The following SLFN12L variants were observed in gnomAD, a reference collection of about 807,000 sequenced individuals.
The protein encoded by SLFN12L is schlafen family member 12 like, also known as schlafen family member 12-like.
In SLFN12L, 34 loss-of-function variants were observed where a neutral mutation model predicts 34.8. The observed-to-expected ratio is 0.98, with a 90% confidence interval of 0.74 to 1.30. The LOEUF (loss-of-function observed/expected upper bound fraction) is 1.30, where lower values mean the gene tolerates loss of function less well. Among genes scored for constraint, SLFN12L ranks in the 50% most tolerant of loss-of-function variants. The probability of loss-of-function intolerance (pLI) is 0.00; values close to 1 mark genes in which losing one functional copy is unlikely to be tolerated. For missense variants in SLFN12L, 703 were observed against 696.2 expected (o/e 1.01, Z -0.11); for synonymous variants, 259 against 247.5 (o/e 1.05, Z -0.44).
At chr17:35,512,362 T>A (rs1915678331) in intron 2 of SLFN12L, among the ~76,000 whole-genome samples, 1 of 118,346 alleles carries the variant, frequency 8.4e-6, no homozygotes, top group South Asian at 2.9e-4. Context: ...AGAGCTGATT[T>A]TTTTTTTTTT....
Position 35,522,911 on chromosome 17 carries a change from CTG to C in SLFN12L, c.-549_-548del. On this transcript the variant is annotated 5_prime_UTR_variant, in exon 2 of 5. It removes the in-frame stop codon of an upstream open reading frame in the 5' UTR. Transcript: ENST00000628453. ...TTATTAACTCCTCTAATCCTTCATT[CTG>C]TGAGGACAGCTCCTTCCAGAGGGAT... 2 of 657,246 alleles carry C rather than the reference CTG, an allele frequency of 3.0e-6. No homozygotes were observed. The highest frequency in any genetic ancestry group is 3.9e-5 in the South Asian group (2 of 51,570). The allele number at this position is 657,246 out of a possible 1,614,324, so 40.7% of individuals were successfully genotyped here. A position where few individuals can be genotyped will look rare whatever the true frequency, so the allele number is the denominator to read the frequency against.
intron 2 of SLFN12L, among the ~76,000 whole-genome samples, chr17:35,493,762 A>G (rs1914933553): frequency 6.6e-6 from 1 of 152,230 alleles, no homozygotes; most frequent in East Asian, 1.9e-4. Context: ...ATTTTATGTA[A>G]GTTGACATGT....
intron 4 of SLFN12L, among the ~76,000 whole-genome samples, chr17:35,477,492 G>C (rs1389901594): frequency 6.6e-6 from 1 of 152,124 alleles, no homozygotes; most frequent in Non-Finnish European, 1.5e-5. Flanking sequence ...TGCAAGTCAT[G>C]AACTTGGAGA....
At chr17:35,530,144 G>C (rs756492456) in intron 1 of SLFN12L, among the ~76,000 whole-genome samples, 158 of 132,898 alleles carry the variant, frequency 1.2e-3, no homozygotes, top group Non-Finnish European at 1.8e-3. Flanking sequence ...TTTTGAGATC[G>C]AGACCATCCT....
chr17:35,475,756 C>T (rs1185183977), intron 4 of SLFN12L, among the ~76,000 whole-genome samples: 1 of 151,828 alleles, frequency 6.6e-6, no homozygotes, highest in African/African-American at 2.4e-5. Flanking sequence ...CAAAGTTAGC[C>T]AAGCATGGTA....
Position 35,468,614 on chromosome 17 carries a change from T to C in SLFN12L, c.*6309A>G, listed in dbSNP as rs1381132926. The stretch of plus-strand genomic sequence containing the variant: ...CTATTGTGTTTCTGAGTGTGCTGTC[T>C]GCTTAGCCTATCATCCTGGCATACT... On this transcript the variant is annotated 3_prime_UTR_variant, in exon 5 of 5. Coordinates refer to ENST00000628453, the MANE Select transcript of SLFN12L (RefSeq NM_001363830.2). 6.6e-6 allele frequency among the ~76,000 whole-genome samples: 1 copy of C among 152,214 alleles called. No homozygotes were observed. Among genetic ancestry groups the C allele is most frequent in the Non-Finnish European group, 1.5e-5 (1 of 68,028 alleles).
chr17:35,502,439 A>C (rs987458993), intron 2 of SLFN12L, among the ~76,000 whole-genome samples: 9 of 150,288 alleles, frequency 6.0e-5, no homozygotes, highest in East Asian at 3.9e-4. Context: ...AAAAAAAAAA[A>C]AAAACGATGA....
chr17:35,490,186 G>T, intron 2 of SLFN12L: 1 of 1,603,434 alleles, frequency 6.2e-7, no homozygotes, highest in African/African-American at 1.3e-5. Context: ...AGCCACCAGC[G>T]CTGGGACGAG....
intron 1 of SLFN12L, among the ~76,000 whole-genome samples, chr17:35,533,454 T>C (rs888846455): frequency 6.6e-6 from 1 of 152,178 alleles, no homozygotes; most frequent in Non-Finnish European, 1.5e-5. Flanking sequence ...GTGACTCCTA[T>C]GGACAAAAGT....
rs2072384459 is a variant in SLFN12L, at chr17:35,530,415, AAGGAAGGAAGGAAGGGAAGGGAAGGG to A, written c.-606+7132_-606+7157del. The stretch of plus-strand genomic sequence containing the variant: ...GAAGGAAGGAAGGAAGGAAGGAAGG[AAGGAAGGAAGGAAGGGAAGGGAAGGG>A]AAGAAAGAAAGAAAGAAAGAAAGAA... On this transcript the variant is annotated intron_variant, in intron 1 of 4. Coordinates refer to ENST00000628453, the MANE Select transcript of SLFN12L (RefSeq NM_001363830.2). Among the ~76,000 whole-genome samples, 41 of 19,484 alleles carry A rather than the reference AAGGAAGGAAGGAAGGGAAGGGAAGGG, an allele frequency of 2.1e-3. 3 individuals are homozygous for A. The highest frequency in any genetic ancestry group is 4.2e-3 in the South Asian group (2 of 478). 12.8% of individuals were successfully genotyped at this position (19,484 alleles called of 152,430 possible). A position where few individuals can be genotyped will look rare whatever the true frequency, so the allele number is the denominator to read the frequency against.
intron 2 of SLFN12L, chr17:35,480,420 A>C (rs1274392509): frequency 2.4e-6 from 1 of 410,926 alleles, no homozygotes; most frequent in East Asian, 3.6e-5. Flanking sequence ...ATCTTATTCT[A>C]ATAATTTTAA....
At chr17:35,495,074 G>C (rs561929242) in intron 2 of SLFN12L, among the ~76,000 whole-genome samples, 97 of 151,916 alleles carry the variant, frequency 6.4e-4, no homozygotes, top group African/African-American at 2.1e-3. Flanking sequence ...ATTTTTGTTT[G>C]TTTTCTGTAG....
intron 2 of SLFN12L, chr17:35,490,169 C>A: frequency 6.2e-7 from 1 of 1,606,526 alleles, no homozygotes; most frequent in East Asian, 2.2e-5. Flanking sequence ...CAGAGCCGGG[C>A]TGCTGCAGCC....
At chr17:35,510,833 C>CAA (rs34262146) in intron 2 of SLFN12L, among the ~76,000 whole-genome samples, 19,573 of 139,460 alleles carry the variant, frequency 0.14, 1,660 homozygotes, top group South Asian at 0.29. Context: ...GAATTCACAG[C>CAA]AAAAAAAAAA....
intron 2 of SLFN12L, among the ~76,000 whole-genome samples, chr17:35,511,125 AT>A (rs1230993198): frequency 6.6e-6 from 1 of 152,066 alleles, no homozygotes; most frequent in Non-Finnish European, 1.5e-5. Context: ...CTCAATTGTA[AT>A]TTTTTTCTAG....
At chr17:35,482,650 C>T (rs969419059) in intron 2 of SLFN12L, among the ~76,000 whole-genome samples, 2 of 152,234 alleles carry the variant, frequency 1.3e-5, no homozygotes, top group African/African-American at 2.4e-5. Context: ...GAAGTGCCTG[C>T]TCCCACTGCC....
chr17:35,520,337 A>G (rs1011491686), intron 2 of SLFN12L, among the ~76,000 whole-genome samples: 4 of 152,244 alleles, frequency 2.6e-5, no homozygotes, highest in African/African-American at 9.6e-5. Context: ...GCTGGTTTCG[A>G]TTCTGAGCAC....
chr17:35,487,763 G>A, intron 2 of SLFN12L: 1 of 1,535,996 alleles, frequency 6.5e-7, no homozygotes, highest in Non-Finnish European at 8.7e-7. Context: ...TCACCAAGTA[G>A]GGGGACCTGA....
intron 2 of SLFN12L, chr17:35,514,841 ATC>A (rs1327750492): frequency 2.0e-5 from 8 of 399,370 alleles, no homozygotes; most frequent in African/African-American, 1.5e-4. Flanking sequence ...TGTCAGAAGC[ATC>A]TGGATCACTG....
Sources: allele counts gnomAD v4.1 joint callset (sites outside exome capture counted in the v4.1 genomes callset), GRCh38; gene constraint gnomAD v4.1.1; transcripts MANE v1.5; gene names NCBI Gene and HGNC (gene_info 2026-07-23, HGNC 2026-07-21).